The following XKR9 variants were observed in gnomAD, a reference collection of about 807,000 sequenced individuals.
XKR9 encodes the protein XK-related protein 9.
XKR9 carries 32 observed loss-of-function variants against 32.0 expected under a neutral mutation model. The observed-to-expected ratio is 1.00, with a 90% CI of 0.76 to 1.34. The LOEUF is 1.34. Ranked by LOEUF, XKR9 falls within the 40% of genes most tolerant of loss-of-function variation. The probability of loss-of-function intolerance (pLI) is 0.00; values close to 1 mark genes in which losing one functional copy is unlikely to be tolerated. For missense variants in XKR9, 546 were observed against 429.7 expected (o/e 1.27, Z -2.39); for synonymous variants, 168 against 143.4 (o/e 1.17, Z -1.22).
chr8:70,697,901 G>A (rs1336696422), intron 3 of XKR9, among the ~76,000 whole-genome samples: 1 of 151,834 alleles, frequency 6.6e-6, no homozygotes, highest in Non-Finnish European at 1.5e-5. Flanking sequence ...CTTCTTCCTG[G>A]TTTAGTCTTG....
At chr8:70,760,562 AG>A (rs1291805270) in intron 2 of XKR9, among the ~76,000 whole-genome samples, 1 of 152,202 alleles carries the variant, frequency 6.6e-6, no homozygotes, top group Admixed American at 6.5e-5. Flanking sequence ...GCTAGCATCA[AG>A]TGATCCTCCT....
the XKR9 span, among the ~76,000 whole-genome samples, chr8:71,013,178 G>A: frequency 6.6e-6 from 1 of 152,182 alleles, no homozygotes. Context: ...AGGAGCAGGA[G>A]GACATTGCCA....
chr8:70,893,814 A>G, the XKR9 span, among the ~76,000 whole-genome samples: 1 of 152,086 alleles, frequency 6.6e-6, no homozygotes, highest in Admixed American at 6.6e-5. Flanking sequence ...AGCAGCAATA[A>G]CAGTGCAGTT....
chr8:70,804,623 A>C, the XKR9 span, among the ~76,000 whole-genome samples: 1 of 152,242 alleles, frequency 6.6e-6, no homozygotes, highest in Non-Finnish European at 1.5e-5. Context: ...TGGATAACAC[A>C]GGGCGAAAAA....
the XKR9 span, among the ~76,000 whole-genome samples, chr8:71,028,994 A>G: frequency 2.6e-5 from 4 of 152,226 alleles, no homozygotes; most frequent in Non-Finnish European, 2.9e-5. Flanking sequence ...CATGACCTTC[A>G]TGATTTCTCT....
At chr8:70,708,040 A>G (rs536069775) in intron 4 of XKR9, among the ~76,000 whole-genome samples, 1 of 152,184 alleles carries the variant, frequency 6.6e-6, no homozygotes, top group Admixed American at 6.5e-5. Context: ...TCAGTTAAAC[A>G]GTGTCTCTGT....
At chr8:70,750,584 T>C (rs1219983745) in intron 2 of XKR9, among the ~76,000 whole-genome samples, 1 of 152,212 alleles carries the variant, frequency 6.6e-6, no homozygotes, top group Non-Finnish European at 1.5e-5. Flanking sequence ...TCCAAGGATA[T>C]GAAGATTGCC....
At chr8:70,828,726 AAAAG>A in the XKR9 span, among the ~76,000 whole-genome samples, 1 of 128,104 alleles carries the variant, frequency 7.8e-6, no homozygotes, top group Admixed American at 7.5e-5. Flanking sequence ...GTCTCAAAAA[AAAAG>A]AAAAAAAAAA....
At chr8:70,773,516 C>T (rs1807480613) in intron 2 of XKR9, among the ~76,000 whole-genome samples, 1 of 152,148 alleles carries the variant, frequency 6.6e-6, no homozygotes, top group African/African-American at 2.4e-5. Context: ...AAAGTGGCCT[C>T]AACATGTACA....
At chr8:71,016,701 C>A in the XKR9 span, among the ~76,000 whole-genome samples, 1 of 152,126 alleles carries the variant, frequency 6.6e-6, no homozygotes, top group Non-Finnish European at 1.5e-5. Flanking sequence ...TTCAATTAGT[C>A]AAACCTTAAG....
chr8:70,791,039 A>G (rs189478180), downstream of XKR9, among the ~76,000 whole-genome samples: 6 of 152,136 alleles, frequency 3.9e-5, no homozygotes, highest in Admixed American at 3.9e-4. Flanking sequence ...CTACTTCCTA[A>G]CACCATCACC....
At chr8:70,743,357 T>C (rs1411741039) in intron 2 of XKR9, among the ~76,000 whole-genome samples, 2 of 152,206 alleles carry the variant, frequency 1.3e-5, no homozygotes, top group Non-Finnish European at 2.9e-5. Flanking sequence ...ATCTGTCCAC[T>C]AATTCCAATA....
At chr8:70,797,348 C>T in the XKR9 span, among the ~76,000 whole-genome samples, 94 of 152,148 alleles carry the variant, frequency 6.2e-4, 1 homozygote, top group African/African-American at 2.2e-3. Flanking sequence ...TTACCTCCTC[C>T]GCACTTTAGC....
At chr8:70,813,031 G>A in the XKR9 span, among the ~76,000 whole-genome samples, 4 of 152,108 alleles carry the variant, frequency 2.6e-5, no homozygotes, top group African/African-American at 4.8e-5. Context: ...CACACTACCT[G>A]ACTTCAAACT....
At chr8:70,677,137 A>T (rs896826370) in intron 2 of XKR9, among the ~76,000 whole-genome samples, 4 of 145,666 alleles carry the variant, frequency 2.7e-5, no homozygotes, top group Admixed American at 6.8e-5. Flanking sequence ...AAAAAAAAAT[A>T]AAAAAAATCT....
chr8:70,847,381 C>A, the XKR9 span, among the ~76,000 whole-genome samples: 1 of 151,582 alleles, frequency 6.6e-6, no homozygotes, highest in African/African-American at 2.4e-5. Context: ...ATACCTACAA[C>A]AAGAAAGTAA....
intron 2 of XKR9, among the ~76,000 whole-genome samples, chr8:70,752,833 A>T (rs1807161404): frequency 6.6e-6 from 1 of 152,198 alleles, no homozygotes; most frequent in South Asian, 2.1e-4. Flanking sequence ...AAAAATTGAC[A>T]CCCTAACATC....
intron 4 of XKR9, among the ~76,000 whole-genome samples, chr8:70,723,191 G>C (rs1040716545): frequency 6.6e-6 from 1 of 152,084 alleles, no homozygotes; most frequent in African/African-American, 2.4e-5. Context: ...CTAGTTAGCA[G>C]TTCCTGTAAT....
chr8:70,682,004 A>G (rs928424777), intron 3 of XKR9, among the ~76,000 whole-genome samples: 2 of 152,140 alleles, frequency 1.3e-5, no homozygotes, highest in Non-Finnish European at 2.9e-5. Context: ...GAATAACGCC[A>G]TTGTATTTAT....
Sources: gnomAD v4.1 joint callset for allele counts (sites outside exome capture counted in the v4.1 genomes callset) on GRCh38, gnomAD v4.1.1 for gene constraint, MANE v1.5 for transcripts, NCBI Gene and HGNC (gene_info 2026-07-23, HGNC 2026-07-21) for gene names.